The following ARL13B variants were observed in gnomAD, a reference collection of about 807,000 sequenced individuals.
ARL13B encodes ARF like GTPase 13B.
A neutral mutation model predicts 56.1 loss-of-function variants in ARL13B; 36 were observed. The ratio of observed to expected loss-of-function variants is 0.64; its 90% CI spans 0.49 to 0.85. ARL13B has a LOEUF of 0.85. Among genes scored for constraint, ARL13B ranks in the 40% least tolerant of loss-of-function variants. ARL13B has a pLI of 0.00. For synonymous variants in ARL13B, 178 were observed against 171.1 expected, an observed-to-expected ratio of 1.04 and a Z score of -0.32; for missense variants, 519 against 507.1, an observed-to-expected ratio of 1.02 and a Z score of -0.23.
At chr3:94,031,400 G>T (rs1391913272) in intron 3 of ARL13B, among the ~76,000 whole-genome samples, 1 of 151,870 alleles carries the variant, frequency 6.6e-6, no homozygotes, top group Admixed American at 6.6e-5. Context: ...TCTTTAAAAT[G>T]CCATTTTCCA....
chr3:94,014,472 C>CAGCTAG (rs2076285085), intron 3 of ARL13B: 1 of 1,606,096 alleles, frequency 6.2e-7, no homozygotes, highest in South Asian at 1.1e-5. Context: ...GTCCAAATTT[C>CAGCTAG]TCTTTAGTAT....
At chr3:94,015,065 G>T in intron 3 of ARL13B, 2 of 1,613,838 alleles carry the variant, frequency 1.2e-6, no homozygotes, top group South Asian at 2.2e-5. Flanking sequence ...CCAAATTTTT[G>T]AACATTATCT....
At chr3:94,034,136 A>G (rs2076725832) in intron 3 of ARL13B, among the ~76,000 whole-genome samples, 1 of 152,180 alleles carries the variant, frequency 6.6e-6, no homozygotes, top group Non-Finnish European at 1.5e-5. Flanking sequence ...TGATAGTGGT[A>G]TCATGGTAAT....
At chr3:94,043,364 C>A in intron 7 of ARL13B, 124 bp downstream of exon 7, 1 of 859,568 alleles carries the variant, frequency 1.2e-6, no homozygotes, top group Non-Finnish European at 1.8e-6. Flanking sequence ...CTTCAAATGC[C>A]ATATTTACCA....
Position 94,039,997 on chromosome 3 carries a change from G to A in ARL13B, c.798+9G>A, listed in dbSNP as rs757716671. 5 of 1,609,888 alleles carry A rather than the reference G, an allele frequency of 3.1e-6. No individual in the cohort carries two copies. The African/African-American group carries it at 6.7e-5, about 22-fold the overall frequency. ...CATCTGTAATCATTGAGGTATGAAT[G>A]ATGGCAAATGTAATTTTTGTATCTT... On this transcript the variant is annotated intron_variant, in intron 6 of 9. Coordinates refer to ENST00000394222, the MANE Select transcript of ARL13B (RefSeq NM_001174150.2).
At chr3:94,021,590 G>A (rs1231231532) in intron 3 of ARL13B, among the ~76,000 whole-genome samples, 1 of 152,122 alleles carries the variant, frequency 6.6e-6, no homozygotes, top group South Asian at 2.1e-4. Context: ...TTACCATGTG[G>A]CAACTTTGTG....
chr3:94,003,153 G>A (rs1021984965), intron 2 of ARL13B, among the ~76,000 whole-genome samples: 1 of 152,026 alleles, frequency 6.6e-6, no homozygotes, highest in Non-Finnish European at 1.5e-5. Context: ...GCCCTTAAAC[G>A]TCTCTTTATT....
rs751962863 is a variant in ARL13B, at chr3:94,055,556, GAT to G, written c.*2296_*2297del. 8 of 453,806 alleles carry G rather than the reference GAT, an allele frequency of 1.8e-5. No individual in the cohort carries two copies. Among genetic ancestry groups the G allele is most frequent in the Non-Finnish European group, 3.5e-5 (8 of 226,688 alleles). The allele number at this position is 453,806 out of a possible 1,614,324, so 28.1% of individuals were successfully genotyped here. On this transcript the variant is annotated 3_prime_UTR_variant, in exon 10 of 10. Coordinates refer to ENST00000394222, the MANE Select transcript of ARL13B (RefSeq NM_001174150.2). ...CTTGCGTTAAAGCTGTTGGTCAACA[GAT>G]ATGTTTTTATGTATTTAAAAGAGGC...
At position 94,014,769 on chromosome 3, in the gene ARL13B, T is replaced by G; in HGVS notation, c.380+10861T>G. 2.5e-6 allele frequency: 4 copies of G among 1,613,752 alleles called. No individual in the cohort carries two copies. In the South Asian group the frequency reaches 4.4e-5, roughly 18 times the overall value. ...CTTTTCCAGCAACTTCAAGCTGACGTAAAATAAATGTCTTGCACTTCTCTT... is the reference window on the plus strand; with the variant it reads ...CTTTTCCAGCAACTTCAAGCTGACGGAAAATAAATGTCTTGCACTTCTCTT... On this transcript the variant is annotated intron_variant, in intron 3 of 9. Coordinates refer to ENST00000394222, the MANE Select transcript of ARL13B (RefSeq NM_001174150.2).
At chr3:94,039,090 T>A (rs1045080050) in intron 5 of ARL13B, among the ~76,000 whole-genome samples, 23 of 152,330 alleles carry the variant, frequency 1.5e-4, no homozygotes, top group African/African-American at 5.5e-4. Context: ...TCTTTTATTC[T>A]TTTATACTAA....
In ARL13B at chr3:93,980,386, C is replaced by A. The variant is rs754149323; in HGVS notation, c.-38C>A. 5.3e-5 allele frequency: 86 copies of A among 1,609,222 alleles called. 1 individual carries two copies. In the South Asian group the frequency reaches 8.3e-4, roughly 16 times the overall value. ...AAGAGCGGGGTGCCGGTGTCCGCTCCGGGCTCGGATGGGAAGTGGTGGGAG... is the reference window on the plus strand; with the variant it reads ...AAGAGCGGGGTGCCGGTGTCCGCTCAGGGCTCGGATGGGAAGTGGTGGGAG... On this transcript the variant is annotated 5_prime_UTR_variant, in exon 1 of 10. Coordinates refer to ENST00000394222, the MANE Select transcript of ARL13B (RefSeq NM_001174150.2).
At chr3:94,010,919 G>A (rs2076214019) in intron 3 of ARL13B, among the ~76,000 whole-genome samples, 1 of 151,892 alleles carries the variant, frequency 6.6e-6, no homozygotes, top group Non-Finnish European at 1.5e-5. Flanking sequence ...GTATCACTAA[G>A]GCTGTAGAAA....
intron 3 of ARL13B, among the ~76,000 whole-genome samples, chr3:94,031,835 G>C (rs148471436): frequency 6.6e-6 from 1 of 152,272 alleles, no homozygotes; most frequent in African/African-American, 2.4e-5. Flanking sequence ...AGAGAACCCA[G>C]ATGATGGGTA....
chr3:94,044,001 C>T (rs938982777), intron 7 of ARL13B, among the ~76,000 whole-genome samples: 14 of 151,868 alleles, frequency 9.2e-5, no homozygotes, highest in African/African-American at 4.8e-5. Flanking sequence ...GATCTCGGCT[C>T]GCTACAACCT....
intron 1 of ARL13B, among the ~76,000 whole-genome samples, chr3:93,984,612 A>T (rs1710362689): frequency 6.6e-6 from 1 of 152,220 alleles, no homozygotes; most frequent in East Asian, 1.9e-4. Context: ...TGTAAGTAGA[A>T]CTGTGCAGTT....
Position 93,980,348 on chromosome 3 carries a change from G to C in ARL13B, c.-76G>C, listed in dbSNP as rs779020845. Reference sequence around the variant, plus strand: ...ACTTTAGGGGCGTCTCGGAGTGCCGGAGGCCCCCGGGGAAGAGCGGGGTGC... The same window carrying C: ...ACTTTAGGGGCGTCTCGGAGTGCCGCAGGCCCCCGGGGAAGAGCGGGGTGC... On this transcript the variant is annotated 5_prime_UTR_variant, in exon 1 of 10. Transcript: ENST00000394222. 2 of 1,583,364 alleles carry C rather than the reference G, an allele frequency of 1.3e-6. No individual in the cohort carries two copies. The highest frequency in any genetic ancestry group is 1.7e-6 in the Non-Finnish European group (2 of 1,161,832).
rs766607945 is a variant in ARL13B, at chr3:94,055,299, A to G, written c.*2036A>G. On this transcript the variant is annotated 3_prime_UTR_variant, in exon 10 of 10. Transcript: ENST00000394222. ...TATCAATATTCTGTTTCTCTTTTCA[A>G]TTGGTAGATTTAAATGATTTCCTTT... The G allele has an allele frequency of 4.8e-6, 2 of 416,656 alleles. No homozygotes were observed. The highest frequency in any genetic ancestry group is 2.1e-5 in the African/African-American group (1 of 47,920). The allele number at this position is 416,656 out of a possible 1,614,324, so 25.8% of individuals were successfully genotyped here. A position where few individuals can be genotyped will look rare whatever the true frequency, so the allele number is the denominator to read the frequency against.
At chr3:94,006,145 TA>T (rs1299976499) in intron 3 of ARL13B, among the ~76,000 whole-genome samples, 1 of 151,872 alleles carries the variant, frequency 6.6e-6, no homozygotes, top group East Asian at 1.9e-4. Flanking sequence ...ACTAAAAATA[TA>T]AAAAATTAGC....
At chr3:93,988,159 C>G (rs1710558530) in intron 1 of ARL13B, among the ~76,000 whole-genome samples, 4 of 151,380 alleles carry the variant, frequency 2.6e-5, no homozygotes, top group Admixed American at 6.6e-5. Context: ...ACTTCTGTGA[C>G]CAAAGATGTT....
Sources: allele counts gnomAD v4.1 joint callset (sites outside exome capture counted in the v4.1 genomes callset), GRCh38; gene constraint gnomAD v4.1.1; transcripts MANE v1.5; gene names NCBI Gene and HGNC (gene_info 2026-07-23, HGNC 2026-07-21).